The following MTSS1 variants were observed in gnomAD, a reference collection of about 807,000 sequenced individuals.
MTSS1 encodes the protein MTSS I-BAR domain containing 1.
In MTSS1, 18 loss-of-function variants were observed where a neutral mutation model predicts 79.0. The observed-to-expected ratio is 0.23, with a 90% confidence interval of 0.16 to 0.34. The LOEUF (loss-of-function observed/expected upper bound fraction) is 0.34. Ranked by LOEUF, MTSS1 falls within the 10% of genes least tolerant of loss-of-function variation. The pLI, the probability that MTSS1 is intolerant of heterozygous loss-of-function variation, is 1.00. For synonymous variants in MTSS1, 341 were observed against 368.6 expected, an observed-to-expected ratio of 0.93 and a Z score of 0.86; for missense variants, 815 against 986.2, an observed-to-expected ratio of 0.83 and a Z score of 2.33.
intron 3 of MTSS1, among the ~76,000 whole-genome samples, chr8:124,647,632 A>G (rs911145210): frequency 2.0e-5 from 3 of 152,228 alleles, no homozygotes; most frequent in Non-Finnish European, 4.4e-5. Flanking sequence ...GCATGTTGAA[A>G]TATTACTATT....
At chr8:124,674,491 A>G (rs1824909070) in intron 3 of MTSS1, among the ~76,000 whole-genome samples, 1 of 152,070 alleles carries the variant, frequency 6.6e-6, no homozygotes, top group Non-Finnish European at 1.5e-5. Context: ...GATTATAGGC[A>G]CACATCACCA....
At position 124,553,053 on chromosome 8, in the gene MTSS1, C is replaced by T. The variant is rs368324791; in HGVS notation, c.2207G>A (p.Arg736Gln). The T allele has an allele frequency of 1.9e-6, 3 of 1,614,142 alleles. No homozygotes were observed. The highest frequency in any genetic ancestry group is 2.5e-6 in the Non-Finnish European group (3 of 1,180,026). ...PQGEDMLNAI[R>Q]RGVKLKKTTT... ...GGTCTTCTTCAGTTTCACGCCCCTTCGGATGGCGTTCAGCATGTCTTCTCC... is the reference window on the plus strand; with the variant it reads ...GGTCTTCTTCAGTTTCACGCCCCTTTGGATGGCGTTCAGCATGTCTTCTCC... The change falls in exon 14 of 14, where the codon CGA (arginine) becomes CAA (glutamine). Residue 736 changes from arginine (R) to glutamine (Q), a missense_variant. Physicochemically the swap from Arg to Gln is conservative, Grantham distance 43. Coordinates refer to ENST00000518547, the MANE Select transcript of MTSS1 (RefSeq NM_014751.6). This position sits in a 1 kb window ranked among gnomAD's most constrained non-coding sequence, Gnocchi z 6.0.
chr8:124,725,508 T>G (rs1833568335), intron 1 of MTSS1, among the ~76,000 whole-genome samples: 1 of 152,176 alleles, frequency 6.6e-6, no homozygotes, highest in African/African-American at 2.4e-5. Context: ...ACCTAAAAAT[T>G]TTTATCAAGA....
chr8:124,660,604 C>G (rs1821858609), intron 3 of MTSS1, among the ~76,000 whole-genome samples: 1 of 152,150 alleles, frequency 6.6e-6, no homozygotes, highest in African/African-American at 2.4e-5. Flanking sequence ...ACCCTCCCTC[C>G]CACTTGCTGG....
rs374855528 is a variant in MTSS1 at position 124,702,026 on chromosome 8, G to A, written c.134+2104C>T. Among the ~76,000 whole-genome samples, 122 of 152,238 alleles carry A rather than the reference G, an allele frequency of 8.0e-4. 4 individuals are homozygous for A. In the South Asian group the frequency reaches 0.024, roughly 30 times the overall value. On this transcript the variant is annotated intron_variant, in intron 2 of 13. Transcript: ENST00000518547. ...TGTTTAATAATATAAAATGTATCCT[G>A]TACCAGTAAGGACAGGTTAAGATTA... is the stretch of plus-strand genomic sequence containing the variant.
At chr8:124,693,581 C>T (rs1428230706) in intron 3 of MTSS1, among the ~76,000 whole-genome samples, 1 of 152,206 alleles carries the variant, frequency 6.6e-6, no homozygotes, top group Non-Finnish European at 1.5e-5. Flanking sequence ...CCTCGGCGAT[C>T]CAGACTCACT....
chr8:124,577,438 T>G (rs923575210), intron 6 of MTSS1, among the ~76,000 whole-genome samples: 10 of 152,114 alleles, frequency 6.6e-5, no homozygotes, highest in African/African-American at 2.4e-5. Context: ...TTAGTAGAGA[T>G]AGGGTTTTGC....
Position 124,589,610 on chromosome 8 carries a change from G to T in MTSS1, c.385+10C>A, listed in dbSNP as rs766852239. 8.1e-6 allele frequency: 13 copies of T among 1,607,164 alleles called. No individual in the cohort carries two copies. Among genetic ancestry groups the T allele is most frequent in the Non-Finnish European group, 1.7e-6 (2 of 1,176,728 alleles). ...CGTGCAGTGATGCGCTAGACATCTC[G>T]CCCCTGTACCTTTTGCGTGGTCTTT... On this transcript the variant is annotated intron_variant, in intron 5 of 13. Coordinates refer to ENST00000518547, the MANE Select transcript of MTSS1 (RefSeq NM_014751.6).
chr8:124,659,364 T>C (rs984935877), intron 3 of MTSS1, among the ~76,000 whole-genome samples: 2 of 152,242 alleles, frequency 1.3e-5, no homozygotes, highest in African/African-American at 4.8e-5. Flanking sequence ...ACACTCAATC[T>C]ATTTCTGTGA....
chr8:124,616,315 C>T lies in MTSS1; in HGVS notation c.209-25080G>A, dbSNP rs114531105. The stretch of plus-strand genomic sequence containing the variant: ...GTAAGACCCTTGACCCAGGCATCTT[C>T]TCATGAGGTTTTTGTCATTGCTGCG... On this transcript the variant is annotated intron_variant, in intron 3 of 13. Transcript: ENST00000518547. 5.5e-3 allele frequency among the ~76,000 whole-genome samples: 802 copies of T among 146,694 alleles called. 11 individuals carry two copies. The highest frequency in any genetic ancestry group is 0.019 in the African/African-American group (773 of 39,852).
In MTSS1 at chr8:124,558,867, C is replaced by G. The variant is rs777768385; in HGVS notation, c.1036-992G>C. On this transcript the variant is annotated intron_variant, in intron 10 of 13. Transcript: ENST00000518547. ...GGGAGGGGCCACACGAGGGGACCAA[C>G]AGAAACCGAGCCACACACCACCAAA... The G allele has an allele frequency of 2.0e-6, 3 of 1,519,664 alleles. No homozygotes were observed. In the African/African-American group the frequency reaches 4.1e-5, roughly 21 times the overall value. The allele number at this position is 1,519,664 out of a possible 1,614,324, so 94.1% of individuals were successfully genotyped here. A position where few individuals can be genotyped will look rare whatever the true frequency, so the allele number is the denominator to read the frequency against.
At position 124,551,518 on chromosome 8, in the gene MTSS1, A is replaced by G. The variant is rs943917424; in HGVS notation, c.*1474T>C. On this transcript the variant is annotated 3_prime_UTR_variant, in exon 14 of 14. Transcript: ENST00000518547. ...TAGGTAATTGAGGGTTAGAGCCAAC[A>G]GGAATCTGCAGGGTGTATGAAACCC... The G allele has an allele frequency of 3.3e-5, 5 of 152,700 alleles. No homozygotes were observed. The highest frequency in any genetic ancestry group is 1.2e-4 in the African/African-American group (5 of 41,472). The allele number at this position is 152,700 out of a possible 1,614,324, so 9.5% of individuals were successfully genotyped here. A position where few individuals can be genotyped will look rare whatever the true frequency, so the allele number is the denominator to read the frequency against.
chr8:124,568,617 C>T (rs1227028621), intron 6 of MTSS1, 81 bp from the exon 7 acceptor site: 2 of 1,588,064 alleles, frequency 1.3e-6, no homozygotes, highest in African/African-American at 2.7e-5. Flanking sequence ...GGGGTCCTTG[C>T]TGGAGTCAAA....
chr8:124,561,042 A>G (rs1270173781), intron 10 of MTSS1, among the ~76,000 whole-genome samples: 1 of 152,188 alleles, frequency 6.6e-6, no homozygotes, highest in African/African-American at 2.4e-5. Flanking sequence ...ATGACCTTCA[A>G]TTTCCCCTTT....
intron 3 of MTSS1, among the ~76,000 whole-genome samples, chr8:124,607,950 G>A (rs1382383105): frequency 6.6e-6 from 1 of 152,154 alleles, no homozygotes; most frequent in Non-Finnish European, 1.5e-5. Context: ...AGGTAGGTCA[G>A]TAGAGATTGG....
In MTSS1 at chr8:124,604,243, C is replaced by CA. The variant is rs916339839; in HGVS notation, c.209-13009dup. Among the ~76,000 whole-genome samples the CA allele has an allele frequency of 2.2e-4, 32 of 148,114 alleles. No homozygotes were observed. The South Asian group carries it at 4.1e-3, about 19-fold the overall frequency. On this transcript the variant is annotated intron_variant, in intron 3 of 13. Transcript: ENST00000518547. Reference sequence around the variant, plus strand: ...TAAATAAAATAAAATAAAATAAAAGCAAAAAAAAACCGTTTCAAGAAAGTT... The same window carrying CA: ...TAAATAAAATAAAATAAAATAAAAGCAAAAAAAAAACCGTTTCAAGAAAGTT...
Position 124,597,439 on chromosome 8 carries a change from G to C in MTSS1, c.209-6204C>G, listed in dbSNP as rs576827500. ...ATACAAATTGTTTAATGCATATTTG[G>C]GGGGGTAGGGAGGAAATAAGAAAAG... On this transcript the variant is annotated intron_variant, in intron 3 of 13. Coordinates refer to ENST00000518547, the MANE Select transcript of MTSS1 (RefSeq NM_014751.6). The surrounding 1 kb of genome is among the most constrained non-coding windows in gnomAD (Gnocchi z 4.6). Among the ~76,000 whole-genome samples the C allele has an allele frequency of 2.0e-5, 3 of 152,266 alleles. No individual in the cohort carries two copies. Among genetic ancestry groups the C allele is most frequent in the East Asian group, 1.9e-4 (1 of 5,176 alleles).
intron 3 of MTSS1, chr8:124,619,315 G>A (rs1049419529): frequency 2.0e-5 from 3 of 152,232 alleles, no homozygotes; most frequent in African/African-American, 7.2e-5. Context: ...CTTCTCACAG[G>A]ATTCTGTGCA....
rs892497938 is a variant in MTSS1, at chr8:124,669,431, T to C, written c.208+30095A>G. 6.6e-5 allele frequency among the ~76,000 whole-genome samples: 10 copies of C among 152,304 alleles called. No homozygotes were observed. The East Asian group carries it at 1.7e-3, about 26-fold the overall frequency. On this transcript the variant is annotated intron_variant, in intron 3 of 13. Transcript: ENST00000518547. ...TTTACAGTACAGCTCACTCCAAACA[T>C]GAAATGAACACTTTTAATGATTGAC...
Sources: allele counts gnomAD v4.1 joint callset (sites outside exome capture counted in the v4.1 genomes callset), GRCh38; gene constraint gnomAD v4.1.1; non-coding constraint Gnocchi (gnomAD v3.1); transcripts MANE v1.5; gene names NCBI Gene and HGNC (gene_info 2026-07-23, HGNC 2026-07-21).